Variants in COP1 observed in about 807,000 individuals in gnomAD.
COP1 encodes the protein COP1 E3 ubiquitin ligase.
A neutral mutation model predicts 101.3 loss-of-function variants in COP1; 24 were observed. The ratio of observed to expected loss-of-function variants is 0.24; its 90% CI spans 0.17 to 0.33. The LOEUF (loss-of-function observed/expected upper bound fraction) is 0.33. COP1 is among the 10% of genes least tolerant of loss of function. COP1 has a pLI of 1.00. For synonymous variants in COP1, 347 were observed against 341.9 expected (o/e 1.01, Z -0.17); for missense variants, 663 against 906.2 (o/e 0.73, Z 3.45).
At chr1:176,027,183 AAAT>A (rs1417486252) in intron 15 of COP1, among the ~76,000 whole-genome samples, 1 of 152,168 alleles carries the variant, frequency 6.6e-6, no homozygotes. Context: ...GGGACTCAAT[AAAT>A]AATTGTTGAA....
At chr1:175,948,398 C>T (rs1188791344) in intron 18 of COP1, among the ~76,000 whole-genome samples, 1 of 152,228 alleles carries the variant, frequency 6.6e-6, no homozygotes, top group East Asian at 1.9e-4. Context: ...GAGAGAAAAA[C>T]GAAGTCCAAA....
chr1:176,165,832 C>T lies in COP1; in HGVS notation c.566-1941G>A, dbSNP rs539117784. On this transcript the variant is annotated intron_variant, in intron 3 of 19. Coordinates refer to ENST00000367669, the MANE Select transcript of COP1 (RefSeq NM_022457.7). ...AGAGCCAGATTGTGAAGGGCCTGAA[C>T]TGCAGATACCTTACACAAGAAAAGT... 5.9e-5 allele frequency among the ~76,000 whole-genome samples: 9 copies of T among 152,238 alleles called. No homozygotes were observed. In the South Asian group the frequency reaches 1.9e-3, roughly 32 times the overall value.
At chr1:176,087,349 A>C (rs1023370643) in intron 9 of COP1, among the ~76,000 whole-genome samples, 1 of 152,222 alleles carries the variant, frequency 6.6e-6, no homozygotes, top group Non-Finnish European at 1.5e-5. Context: ...AAATTTTTGC[A>C]ATCTATTCAT....
At chr1:176,135,138 T>C (rs1278703595) in intron 7 of COP1, 52 bp from the exon 8 acceptor site, 3 of 1,246,976 alleles carry the variant, frequency 2.4e-6, no homozygotes, top group Non-Finnish European at 3.5e-6. Flanking sequence ...AGAAGATATA[T>C]AAATCAAAAA....
At chr1:175,981,780 C>A (rs1655929503) in intron 18 of COP1, among the ~76,000 whole-genome samples, 1 of 151,956 alleles carries the variant, frequency 6.6e-6, no homozygotes. Context: ...AACTCCAACA[C>A]CTAAACAGCA....
chr1:175,959,771 T>C (rs183039342), intron 18 of COP1, among the ~76,000 whole-genome samples: 1 of 152,246 alleles, frequency 6.6e-6, no homozygotes, highest in Admixed American at 6.5e-5. Context: ...TGAGTGTCTC[T>C]CATCTCCCTA....
chr1:175,984,238 G>A (rs1375803415), intron 18 of COP1, among the ~76,000 whole-genome samples: 2 of 152,314 alleles, frequency 1.3e-5, no homozygotes, highest in African/African-American at 2.4e-5. Flanking sequence ...TTGGCATGCT[G>A]CGTGCAGCCT....
At chr1:175,982,675 C>T (rs1656150165) in intron 18 of COP1, among the ~76,000 whole-genome samples, 1 of 152,114 alleles carries the variant, frequency 6.6e-6, no homozygotes. Context: ...AGGGTCAGTG[C>T]CTCTTGCCCC....
At chr1:176,110,005 C>T (rs754494883) in intron 9 of COP1, among the ~76,000 whole-genome samples, 3 of 152,060 alleles carry the variant, frequency 2.0e-5, no homozygotes, top group Non-Finnish European at 2.9e-5. Flanking sequence ...TTTCCACTAG[C>T]GGTATTTTTT....
At chr1:176,176,063 C>T (rs1490415426) in intron 2 of COP1, 56 bp from the exon 3 acceptor site, 3 of 823,844 alleles carry the variant, frequency 3.6e-6, no homozygotes, top group Non-Finnish European at 4.1e-6. Context: ...AATTAATAAA[C>T]TGGTCACAAA....
intron 17 of COP1, 79 bp from the exon 18 acceptor site, chr1:175,987,182 A>T: frequency 1.4e-6 from 1 of 719,698 alleles, no homozygotes; most frequent in South Asian, 2.9e-5. Flanking sequence ...AGTAATTATC[A>T]GCCAAAGTTA....
Position 176,081,141 on chromosome 1 carries a change from C to T in COP1, c.1277+11G>A. ...CTTACAAAAGAAAATAGTAATTTGACCAATACTTACCTAGAGACTATACTG... is the reference window on the plus strand; with the variant it reads ...CTTACAAAAGAAAATAGTAATTTGATCAATACTTACCTAGAGACTATACTG... On this transcript the variant is annotated intron_variant, in intron 11 of 19. Coordinates refer to ENST00000367669, the MANE Select transcript of COP1 (RefSeq NM_022457.7). 1 of 1,582,820 alleles carries T rather than the reference C, an allele frequency of 6.3e-7. No individual in the cohort carries two copies. Among genetic ancestry groups the T allele is most frequent in the Non-Finnish European group, 8.6e-7 (1 of 1,162,868 alleles).
chr1:175,996,730 T>C (rs988335369), intron 15 of COP1, among the ~76,000 whole-genome samples: 104 of 152,252 alleles, frequency 6.8e-4, no homozygotes, highest in African/African-American at 2.4e-3. Context: ...TACAAACCAC[T>C]GCTCAGTGAA....
intron 9 of COP1, among the ~76,000 whole-genome samples, chr1:176,115,248 A>C (rs1435307483): frequency 2.6e-5 from 4 of 152,108 alleles, no homozygotes; most frequent in Non-Finnish European, 5.9e-5. Flanking sequence ...CAGGAGTTTG[A>C]GACCAGCCTG....
At chr1:176,066,938 T>C (rs1260817122) in intron 11 of COP1, among the ~76,000 whole-genome samples, 1 of 152,138 alleles carries the variant, frequency 6.6e-6, no homozygotes, top group African/African-American at 2.4e-5. Context: ...TATCCAACTT[T>C]CCCAGGGACA....
At chr1:176,053,648 G>T (rs139746655) in intron 11 of COP1, among the ~76,000 whole-genome samples, 34 of 151,996 alleles carry the variant, frequency 2.2e-4, no homozygotes, top group African/African-American at 8.0e-4. Flanking sequence ...TTCACCTTAT[G>T]ACATAACACT....
intron 14 of COP1, among the ~76,000 whole-genome samples, chr1:176,041,880 G>A (rs905739774): frequency 6.6e-6 from 1 of 152,094 alleles, no homozygotes; most frequent in African/African-American, 2.4e-5. Context: ...TTGGGAGGTT[G>A]AGGCAGGCAG....
intron 15 of COP1, among the ~76,000 whole-genome samples, chr1:176,021,195 T>C (rs1666706567): frequency 6.6e-6 from 1 of 152,236 alleles, no homozygotes; most frequent in South Asian, 2.1e-4. Context: ...ACTAGGCATA[T>C]TTATGGTTGT....
chr1:176,043,780 G>C lies in COP1; in HGVS notation c.1460C>G (p.Ala487Gly), dbSNP rs955469642. The C allele has an allele frequency of 1.2e-6, 2 of 1,611,392 alleles. No homozygotes were observed. Among genetic ancestry groups the C allele is most frequent in the Non-Finnish European group, 1.7e-6 (2 of 1,177,684 alleles). ...AACAGTGCCTTCATAATCACTGCTA[G>C]CTAACAGGTTCTTATGGTAACTACT... Reference protein sequence around the residue: ...SWSSYHKNLLASSDYEGTVIL... With the variant: ...SWSSYHKNLLGSSDYEGTVIL... The change falls in exon 13 of 20, where the codon GCT (alanine) becomes GGT (glycine). Residue 487 changes from alanine (A) to glycine (G), a missense_variant. Ala to Gly is a moderately conservative substitution (Grantham distance 60). This residue lies in a region of COP1 where 209 missense variants were observed against 383.3 expected (regional missense o/e 0.55). Transcript: ENST00000367669.
Sources: allele counts gnomAD v4.1 joint callset (sites outside exome capture counted in the v4.1 genomes callset), GRCh38; gene constraint gnomAD v4.1.1; regional missense constraint gnomAD v4.1.1; transcripts MANE v1.5; gene names NCBI Gene and HGNC (gene_info 2026-07-23, HGNC 2026-07-21).